Variants in HYDIN observed in about 807,000 individuals in gnomAD.
The protein encoded by HYDIN is axonemal central pair apparatus protein HYDIN.
Under a neutral mutation model 403.9 loss-of-function variants are expected in HYDIN, and 132 were observed. The observed-to-expected ratio is 0.33, with a 90% CI of 0.28 to 0.38. HYDIN has a LOEUF of 0.38. Ranked by LOEUF, HYDIN falls within the 10% of genes least tolerant of loss-of-function variation. The probability of loss-of-function intolerance (pLI) is 1.00; values close to 1 mark genes in which losing one functional copy is unlikely to be tolerated. For missense variants in HYDIN, 2,827 were observed against 5,009.5 expected (o/e 0.56, Z 13.15); for synonymous variants, 1,202 against 1,891.7 (o/e 0.64, Z 9.46).
chr16:71,048,057 C>G (rs1344203344), intron 18 of HYDIN, among the ~76,000 whole-genome samples: 5 of 140,382 alleles, frequency 3.6e-5, no homozygotes, highest in African/African-American at 1.3e-4. Context: ...TCTCAATTTT[C>G]TTTTAGCTCC....
At chr16:71,025,227 A>G (rs950639876) in intron 21 of HYDIN, among the ~76,000 whole-genome samples, 156 bp downstream of exon 21, 7 of 150,710 alleles carry the variant, frequency 4.6e-5, no homozygotes, top group African/African-American at 1.7e-4. Context: ...TAGATTCAGA[A>G]TTTTTAGTTG....
chr16:71,200,094 C>T (rs1403618394), intron 1 of HYDIN, among the ~76,000 whole-genome samples: 1 of 152,216 alleles, frequency 6.6e-6, no homozygotes, highest in African/African-American at 2.4e-5. Context: ...ACACTCCCAA[C>T]AGCGCCATGA....
At chr16:71,193,340 T>C (rs2087529583) in intron 1 of HYDIN, among the ~76,000 whole-genome samples, 1 of 152,254 alleles carries the variant, frequency 6.6e-6, no homozygotes, top group Non-Finnish European at 1.5e-5. Flanking sequence ...CCAATGTTTC[T>C]ACTTAACAGA....
At position 71,054,377 on chromosome 16, in the gene HYDIN, C is replaced by T. The variant is rs1366656455; in HGVS notation, c.2529+6127G>A. Among the ~76,000 whole-genome samples, 7 of 152,376 alleles carry T rather than the reference C, an allele frequency of 4.6e-5. No individual in the cohort carries two copies. The Middle Eastern group carries it at 0.01, about 222-fold the overall frequency. ...ACTCATTGAAGCCTGAGAAACAGCC[C>T]ATTCTATCTCCTCCTCACACACATT... On this transcript the variant is annotated intron_variant, in intron 18 of 85. Transcript: ENST00000393567.
intron 23 of HYDIN, among the ~76,000 whole-genome samples, chr16:71,001,311 C>T (rs2144073388): frequency 1.1e-5 from 1 of 90,806 alleles, no homozygotes; most frequent in South Asian, 4.8e-4. Context: ...TCACTCTCTG[C>T]ATCCGTGGGT....
chr16:70,932,231 T>A (rs957555850), intron 45 of HYDIN, among the ~76,000 whole-genome samples: 1 of 149,994 alleles, frequency 6.7e-6, no homozygotes, highest in East Asian at 2.0e-4. Flanking sequence ...GGCGGGCGCC[T>A]GTAATCCCAG....
At chr16:71,047,699 G>A (rs1300676920) in intron 18 of HYDIN, among the ~76,000 whole-genome samples, 1 of 148,016 alleles carries the variant, frequency 6.8e-6, no homozygotes, top group Non-Finnish European at 1.5e-5. Context: ...TTTTTTAAAT[G>A]ATATATTTTT....
At chr16:71,134,027 A>G (rs557224761) in intron 8 of HYDIN, among the ~76,000 whole-genome samples, 2 of 152,164 alleles carry the variant, frequency 1.3e-5, no homozygotes, top group Admixed American at 1.3e-4. Flanking sequence ...TAAGGTTTTT[A>G]GCAATACTTT....
At chr16:71,030,569 A>C (rs1454964269) in intron 19 of HYDIN, among the ~76,000 whole-genome samples, 1 of 151,310 alleles carries the variant, frequency 6.6e-6, no homozygotes, top group African/African-American at 2.4e-5. Context: ...AGTAGCTGGG[A>C]CTACACGCAC....
chr16:71,169,662 T>A (rs1188274920), intron 5 of HYDIN, among the ~76,000 whole-genome samples: 1 of 152,116 alleles, frequency 6.6e-6, no homozygotes, highest in Non-Finnish European at 1.5e-5. Flanking sequence ...TCCCAGGGAC[T>A]GGGGTTGGAG....
chr16:70,905,747 T>C (rs75592859), intron 50 of HYDIN, among the ~76,000 whole-genome samples: 1 of 152,098 alleles, frequency 6.6e-6, no homozygotes, highest in Admixed American at 6.5e-5. Context: ...ATCAGTGTCA[T>C]CTCGCCCAAC....
Position 70,809,809 on chromosome 16 carries a change from G to A in HYDIN, c.14857C>T (p.Arg4953Trp), listed in dbSNP as rs79607350. Reference sequence around the variant, plus strand: ...CTGCAGTAGTATTCTGTCCTCTGCCGTGTGTAATTGATGAACTTCACAAGG... The same window carrying A: ...CTGCAGTAGTATTCTGTCCTCTGCCATGTGTAATTGATGAACTTCACAAGG... The part of the protein sequence containing the change: ...IILVKFINYT[R>W]QRTEYYCRTD... The change falls in exon 85 of 86, where the codon CGG (arginine) becomes TGG (tryptophan). Residue 4953 changes from arginine to tryptophan, a missense_variant. Arg to Trp is a moderately radical substitution (Grantham distance 101). Coordinates refer to ENST00000393567, the MANE Select transcript of HYDIN (RefSeq NM_001270974.2). 4.0e-3 allele frequency: 6,425 copies of A among 1,613,950 alleles called. 43 individuals carry two copies. The highest frequency in any genetic ancestry group is 0.015 in the South Asian group (1,402 of 91,072).
intron 53 of HYDIN, among the ~76,000 whole-genome samples, chr16:70,899,650 C>G (rs2076307041): frequency 6.6e-6 from 1 of 152,182 alleles, no homozygotes; most frequent in South Asian, 2.1e-4. Flanking sequence ...CAGGTGAGAT[C>G]CTGCCCTGAT....
At chr16:71,110,460 T>C (rs2083781940) in intron 10 of HYDIN, among the ~76,000 whole-genome samples, 1 of 142,344 alleles carries the variant, frequency 7.0e-6, no homozygotes, top group African/African-American at 2.6e-5. Context: ...TATATAAATA[T>C]ATATAAACAT....
chr16:70,882,016 G>C (rs1041865072), intron 60 of HYDIN, among the ~76,000 whole-genome samples: 6 of 152,238 alleles, frequency 3.9e-5, no homozygotes, highest in African/African-American at 1.4e-4. Flanking sequence ...AGGCAGTTTC[G>C]AGCCTGGCAG....
chr16:70,953,264 C>T (rs2078127802), intron 40 of HYDIN, among the ~76,000 whole-genome samples: 2 of 151,976 alleles, frequency 1.3e-5, no homozygotes. Context: ...TATGTGTCAA[C>T]TATGCCAGGC....
chr16:71,141,862 A>G (rs1224181085), intron 7 of HYDIN, among the ~76,000 whole-genome samples: 36 of 152,240 alleles, frequency 2.4e-4, no homozygotes, highest in Admixed American at 2.3e-3. Flanking sequence ...ACACTGTACG[A>G]AGCTGCTCAA....
chr16:71,187,276 GCT>G (rs2087200578), intron 1 of HYDIN, among the ~76,000 whole-genome samples: 1 of 152,056 alleles, frequency 6.6e-6, no homozygotes, highest in Admixed American at 6.6e-5. Flanking sequence ...ATTTGAAAGC[GCT>G]CTCTTAGGAG....
At chr16:71,022,516 T>G (rs2080535298) in intron 21 of HYDIN, among the ~76,000 whole-genome samples, 1 of 152,166 alleles carries the variant, frequency 6.6e-6, no homozygotes, top group South Asian at 2.1e-4. Context: ...ACCATTATAT[T>G]CTAATGTACC....
Sources: gnomAD v4.1 joint callset for allele counts (sites outside exome capture counted in the v4.1 genomes callset) on GRCh38, gnomAD v4.1.1 for gene constraint, MANE v1.5 for transcripts, NCBI Gene and HGNC (gene_info 2026-07-23, HGNC 2026-07-21) for gene names.